TSTD2: variants seen among roughly 807,000 people sequenced by gnomAD.
TSTD2 encodes the protein thiosulfate sulfurtransferase like domain containing 2, also known as thiosulfate sulfurtransferase/rhodanese-like domain-containing protein 2.
In TSTD2, 37 loss-of-function variants were observed where a neutral mutation model predicts 47.9. The observed-to-expected ratio is 0.77, with a 90% CI of 0.59 to 1.02. The LOEUF (loss-of-function observed/expected upper bound fraction) is 1.02. TSTD2 is among the 50% of genes least tolerant of loss of function. TSTD2 has a pLI of 0.00. For synonymous variants in TSTD2, 201 were observed against 215.9 expected (o/e 0.93, Z 0.61); for missense variants, 586 against 616.0 (o/e 0.95, Z 0.52).
intron 4 of TSTD2, among the ~76,000 whole-genome samples, chr9:97,615,148 G>A (rs1453955904): frequency 6.6e-6 from 1 of 152,226 alleles, no homozygotes; most frequent in Non-Finnish European, 1.5e-5. Flanking sequence ...CTAGGGCAGA[G>A]CATGCTCTAA....
At position 97,602,403 on chromosome 9, in the gene TSTD2, C is replaced by A; in HGVS notation, c.*66G>T. On this transcript the variant is annotated 3_prime_UTR_variant, in exon 10 of 10. Transcript: ENST00000341170. ...TCTCTGTTTCTGCAGTCTTGCCATG[C>A]TTTCTCTGTATAGTCACCCCAAACC... 6.7e-7 allele frequency: 1 copy of A among 1,487,508 alleles called. No homozygotes were observed. The highest frequency in any genetic ancestry group is 9.0e-7 in the Non-Finnish European group (1 of 1,115,648). The allele number at this position is 1,487,508 out of a possible 1,614,324, so 92.1% of individuals were successfully genotyped here.
intron 4 of TSTD2, 32 bp from the exon 5 acceptor site, chr9:97,611,731 A>G: frequency 6.3e-7 from 1 of 1,585,602 alleles, no homozygotes; most frequent in Non-Finnish European, 8.6e-7. Flanking sequence ...AAGAGAACAG[A>G]TTGTTCTTAG....
intron 6 of TSTD2, among the ~76,000 whole-genome samples, chr9:97,609,615 T>G (rs756636726): frequency 2.0e-5 from 3 of 152,242 alleles, no homozygotes; most frequent in Non-Finnish European, 4.4e-5. Context: ...TATTAAGGAA[T>G]CAGTTAAAAT....
intron 4 of TSTD2, 151 bp downstream of exon 4, chr9:97,617,606 G>T: frequency 2.0e-6 from 2 of 1,005,450 alleles, no homozygotes; most frequent in Non-Finnish European, 2.7e-6. Context: ...GTTAATGGCT[G>T]CCTAATATTC....
intron 1 of TSTD2, among the ~76,000 whole-genome samples, chr9:97,628,901 C>T (rs1356806398): frequency 6.6e-6 from 1 of 152,180 alleles, no homozygotes. Context: ...CCAGCATCAA[C>T]CACTAGACCC....
intron 3 of TSTD2, among the ~76,000 whole-genome samples, chr9:97,624,614 T>A (rs1385830310): frequency 6.6e-6 from 1 of 152,142 alleles, no homozygotes; most frequent in Non-Finnish European, 1.5e-5. Context: ...CAAACTTTTA[T>A]ACCTTGGCAT....
Position 97,602,723 on chromosome 9 carries a change from A to C in TSTD2, c.1297T>G (p.Ser433Ala). The change falls in exon 10 of 10, where the codon TCT (serine) becomes GCT (alanine). Residue 433 changes from serine (S) to alanine (A), a missense_variant. Coordinates refer to ENST00000341170, the MANE Select transcript of TSTD2 (RefSeq NM_139246.5). Reference sequence around the variant, plus strand: ...ACGAGCTGGCGGCACTGGGGAGTAGAGCAGAGTTTATACTGGTCCCAGCGG... The same window carrying C: ...ACGAGCTGGCGGCACTGGGGAGTAGCGCAGAGTTTATACTGGTCCCAGCGG... ...GARWDQYKLC[S>A]TPQCRQLVLT... 6.2e-7 allele frequency: 1 copy of C among 1,614,116 alleles called. No homozygotes were observed. Among genetic ancestry groups the C allele is most frequent in the Non-Finnish European group, 8.5e-7 (1 of 1,180,014 alleles).
At chr9:97,622,384 T>C (rs1006523017) in intron 3 of TSTD2, among the ~76,000 whole-genome samples, 15 of 152,232 alleles carry the variant, frequency 9.9e-5, no homozygotes, top group African/African-American at 3.1e-4. Context: ...AGAGGATGTA[T>C]GGAAACACCT....
intron 1 of TSTD2, among the ~76,000 whole-genome samples, chr9:97,630,904 C>T (rs2131320104): frequency 6.6e-6 from 1 of 152,346 alleles, no homozygotes; most frequent in African/African-American, 2.4e-5. Flanking sequence ...TTCTCCCAAA[C>T]TACAAATTCA....
At chr9:97,632,610 C>A (rs1261972272) in intron 1 of TSTD2, among the ~76,000 whole-genome samples, 1 of 151,848 alleles carries the variant, frequency 6.6e-6, no homozygotes, top group Non-Finnish European at 1.5e-5. Flanking sequence ...TCTTGAACTC[C>A]TAGGCTCAAG....
chr9:97,609,189 C>T (rs7856316), intron 6 of TSTD2, among the ~76,000 whole-genome samples: 17,981 of 152,088 alleles, frequency 0.12, 3,020 homozygotes, highest in African/African-American at 0.37. Flanking sequence ...TTTTGATATA[C>T]TGCATTAAGA....
chr9:97,603,466 C>T (rs1371417050), intron 9 of TSTD2, among the ~76,000 whole-genome samples: 2 of 152,194 alleles, frequency 1.3e-5, no homozygotes, highest in Non-Finnish European at 2.9e-5. Context: ...TCTACTCTTT[C>T]TACTTGTTTA....
rs114562764 is a variant in TSTD2, at chr9:97,610,273, G to A, written c.835+73C>T. On this transcript the variant is annotated intron_variant, in intron 6 of 9. Transcript: ENST00000341170. ...ACTCATGACTGCTGCTGATCACAGT[G>A]CCTAGCTTTCTTATTTGTCTATTAA... 1.2e-3 allele frequency: 1,601 copies of A among 1,357,690 alleles called. 20 individuals carry two copies. In the African/African-American group the frequency reaches 0.021, roughly 18 times the overall value. The allele number at this position is 1,357,690 out of a possible 1,614,324, so 84.1% of individuals were successfully genotyped here.
chr9:97,625,624 T>A, intron 3 of TSTD2, 57 bp downstream of exon 3: 5 of 1,499,306 alleles, frequency 3.3e-6, no homozygotes, highest in Non-Finnish European at 4.5e-6. Context: ...TTGTAGTATC[T>A]CATTGTGGTT....
rs1222651487 is a variant in TSTD2 at position 97,606,157 on chromosome 9, A to T, written c.940T>A (p.Tyr314Asn). The part of the protein sequence containing the change: ...DTILLDCRNF[Y>N]ESKIGRFQGC... ...CTTTTACTTACTATTTTGCTTTCAT[A>T]GAAGTTTCTGCAATCAAGAAGGATA... Residue 314 changes from tyrosine (Y) to asparagine (N), a missense_variant, in exon 7 of 10, where the codon TAT becomes AAT. Coordinates refer to ENST00000341170, the MANE Select transcript of TSTD2 (RefSeq NM_139246.5). 2 of 1,608,640 alleles carry T rather than the reference A, an allele frequency of 1.2e-6. No homozygotes were observed. The highest frequency in any genetic ancestry group is 1.1e-5 in the South Asian group (1 of 90,446).
intron 1 of TSTD2, among the ~76,000 whole-genome samples, chr9:97,632,852 G>A (rs1826856657): frequency 6.6e-6 from 1 of 152,188 alleles, no homozygotes; most frequent in South Asian, 2.1e-4. Flanking sequence ...GTCATTTACT[G>A]AAATGGGTAA....
chr9:97,631,302 T>C (rs1564011995), intron 1 of TSTD2, among the ~76,000 whole-genome samples: 1 of 151,772 alleles, frequency 6.6e-6, no homozygotes, highest in African/African-American at 2.4e-5. Flanking sequence ...TTTTTTTTTT[T>C]AGTAGAGACA....
intron 4 of TSTD2, among the ~76,000 whole-genome samples, chr9:97,615,993 A>G (rs1280642546): frequency 6.6e-6 from 1 of 152,208 alleles, no homozygotes; most frequent in Non-Finnish European, 1.5e-5. Flanking sequence ...TTACAAATGG[A>G]CAAATGTTAT....
intron 1 of TSTD2, among the ~76,000 whole-genome samples, chr9:97,632,430 T>A (rs1355962061): frequency 1.3e-5 from 2 of 151,994 alleles, no homozygotes; most frequent in Non-Finnish European, 2.9e-5. Context: ...TGGAGTGCAG[T>A]GTGCGATCAC....
Sources: allele counts gnomAD v4.1 joint callset (sites outside exome capture counted in the v4.1 genomes callset), GRCh38; gene constraint gnomAD v4.1.1; transcripts MANE v1.5; gene names NCBI Gene and HGNC (gene_info 2026-07-23, HGNC 2026-07-21).